SCAPER: variants seen among roughly 807,000 people sequenced by gnomAD.
SCAPER encodes the protein S phase cyclin A-associated protein in the endoplasmic reticulum.
Under a neutral mutation model 182.2 loss-of-function variants are expected in SCAPER, and 98 were observed. That is an observed-to-expected ratio of 0.54 (90% CI 0.46 to 0.64). The LOEUF is 0.64. SCAPER is among the 30% of genes least tolerant of loss of function. The pLI is 0.00. For missense variants in SCAPER, 1,432 were observed against 1,690.0 expected, an observed-to-expected ratio of 0.85 and a Z score of 2.68; for synonymous variants, 605 against 564.6, an observed-to-expected ratio of 1.07 and a Z score of -1.01.
At chr15:76,813,242 AAAAAAAAAAAAAAC>A (rs566945616) in intron 5 of SCAPER, among the ~76,000 whole-genome samples, 49,753 of 126,738 alleles carry the variant, frequency 0.39, 10,836 homozygotes, top group Middle Eastern at 0.51. Context: ...AAAAAAAAAA[AAAAAAAAAAAAAAC>A]AACTCAACAA....
chr15:76,773,358 T>C (rs1217955488), intron 9 of SCAPER, among the ~76,000 whole-genome samples: 1 of 151,942 alleles, frequency 6.6e-6, no homozygotes, highest in Non-Finnish European at 1.5e-5. Flanking sequence ...AGATTATTCC[T>C]GAAATCTCAA....
intron 17 of SCAPER, among the ~76,000 whole-genome samples, chr15:76,726,124 A>AATAT (rs765875424): frequency 0.02 from 312 of 15,346 alleles, 18 homozygotes; most frequent in African/African-American, 0.044. Flanking sequence ...TAATGTCTAG[A>AATAT]ATATATATAT....
intron 24 of SCAPER, among the ~76,000 whole-genome samples, chr15:76,475,899 A>G (rs2050589979): frequency 6.6e-6 from 1 of 152,202 alleles, no homozygotes; most frequent in Non-Finnish European, 1.5e-5. Context: ...CAATTATGCC[A>G]AAACAAAAAA....
intron 25 of SCAPER, among the ~76,000 whole-genome samples, chr15:76,455,270 G>A (rs922649187): frequency 3.3e-5 from 5 of 152,092 alleles, no homozygotes; most frequent in African/African-American, 1.2e-4. Flanking sequence ...TGTACAACTC[G>A]ATGTTTTGAT....
intron 23 of SCAPER, among the ~76,000 whole-genome samples, chr15:76,522,294 C>T (rs1329643680): frequency 6.6e-6 from 1 of 152,078 alleles, no homozygotes; most frequent in East Asian, 1.9e-4. Flanking sequence ...ATAATTTATT[C>T]CAATTTGAAT....
chr15:76,646,963 T>C (rs1431658910), intron 21 of SCAPER, among the ~76,000 whole-genome samples: 1 of 152,214 alleles, frequency 6.6e-6, no homozygotes, highest in Non-Finnish European at 1.5e-5. Context: ...CAGACCATCA[T>C]GCCTTGAGCC....
intron 5 of SCAPER, among the ~76,000 whole-genome samples, chr15:76,825,233 A>G (rs781686659): frequency 6.6e-6 from 1 of 152,164 alleles, no homozygotes; most frequent in African/African-American, 2.4e-5. Flanking sequence ...TTATGAACAC[A>G]AAGGTTGAAT....
At chr15:76,786,124 T>A (rs3099145) in intron 8 of SCAPER, among the ~76,000 whole-genome samples, 1 of 151,940 alleles carries the variant, frequency 6.6e-6, no homozygotes, top group African/African-American at 2.4e-5. Flanking sequence ...GTGAGGAGTT[T>A]GAGACTAGCC....
intron 20 of SCAPER, among the ~76,000 whole-genome samples, chr15:76,692,431 G>A (rs1178784972): frequency 6.6e-6 from 1 of 152,130 alleles, no homozygotes. Context: ...GCTCTTGCCT[G>A]TAATCCCAGT....
At chr15:76,890,545 C>T (rs1428506004) in intron 1 of SCAPER, among the ~76,000 whole-genome samples, 1 of 152,136 alleles carries the variant, frequency 6.6e-6, no homozygotes, top group Non-Finnish European at 1.5e-5. Flanking sequence ...AACACCTCTA[C>T]ACAAATAAAT....
chr15:76,728,844 C>T, intron 16 of SCAPER, 107 bp from the exon 17 acceptor site: 1 of 1,198,762 alleles, frequency 8.3e-7, no homozygotes, highest in Non-Finnish European at 1.1e-6. Flanking sequence ...CAAGTAGAAA[C>T]ATGGGCTTGC....
intron 2 of SCAPER, among the ~76,000 whole-genome samples, chr15:76,865,463 A>G (rs1370996024): frequency 6.6e-6 from 1 of 152,196 alleles, no homozygotes; most frequent in African/African-American, 2.4e-5. Context: ...AAACAGAATG[A>G]TGAGAAAAAT....
intron 17 of SCAPER, among the ~76,000 whole-genome samples, chr15:76,719,482 A>T (rs2060079358): frequency 6.6e-6 from 1 of 152,190 alleles, no homozygotes; most frequent in Non-Finnish European, 1.5e-5. Context: ...AATGTACAAC[A>T]GGAGGGCTAT....
At chr15:76,740,536 C>T (rs1374345351) in intron 15 of SCAPER, among the ~76,000 whole-genome samples, 1 of 126,788 alleles carries the variant, frequency 7.9e-6, no homozygotes, top group Non-Finnish European at 1.7e-5. Context: ...TCGGCCTTCC[C>T]CACAGAAATA....
chr15:76,427,369 T>C (rs1483693307), intron 26 of SCAPER, among the ~76,000 whole-genome samples: 1 of 151,920 alleles, frequency 6.6e-6, no homozygotes, highest in African/African-American at 2.4e-5. Flanking sequence ...AACTCAACAG[T>C]GAAAAACTAA....
chr15:76,752,903 T>A (rs575204495), intron 15 of SCAPER, among the ~76,000 whole-genome samples: 1 of 150,656 alleles, frequency 6.6e-6, no homozygotes, highest in African/African-American at 2.4e-5. Context: ...ACAAAAAAAA[T>A]AGGAAAAAAA....
chr15:76,466,419 C>CTTTTTGTTTTTTTT (rs2049631681), intron 25 of SCAPER, among the ~76,000 whole-genome samples: 1 of 37,394 alleles, frequency 2.7e-5, no homozygotes, highest in Non-Finnish European at 5.4e-5. Flanking sequence ...GTTGGTTCTT[C>CTTTTTGTTTTTTTT]TTTTTTTTTT....
chr15:76,699,980 C>T (rs760195228), intron 20 of SCAPER, among the ~76,000 whole-genome samples: 1 of 152,198 alleles, frequency 6.6e-6, no homozygotes, highest in Non-Finnish European at 1.5e-5. Context: ...TGGGTAGTTG[C>T]ACGCCAGCAG....
At chr15:76,366,849 A>G (rs527492037) in intron 29 of SCAPER, among the ~76,000 whole-genome samples, 12 of 152,276 alleles carry the variant, frequency 7.9e-5, no homozygotes, top group Non-Finnish European at 1.5e-4. Flanking sequence ...CCCTTTGGGA[A>G]GGGAAGCTGG....
Sources: gnomAD v4.1 joint callset for allele counts (sites outside exome capture counted in the v4.1 genomes callset) on GRCh38, gnomAD v4.1.1 for gene constraint, MANE v1.5 for transcripts, NCBI Gene and HGNC (gene_info 2026-07-23, HGNC 2026-07-21) for gene names.